The following NFATC1 variants were observed in gnomAD, a reference collection of about 807,000 sequenced individuals.
NFATC1 encodes nuclear factor of activated T cells 1, also known as nuclear factor of activated T-cells, cytoplasmic 1.
Under a neutral mutation model 76.0 loss-of-function variants are expected in NFATC1, and 22 were observed. The ratio of observed to expected loss-of-function variants is 0.29; its 90% confidence interval spans 0.21 to 0.41. NFATC1 has a LOEUF of 0.41. Ranked by LOEUF, NFATC1 falls within the 10% of genes least tolerant of loss-of-function variation. The probability of loss-of-function intolerance (pLI) is 1.00; values close to 1 mark genes in which losing one functional copy is unlikely to be tolerated. For synonymous variants in NFATC1, 704 were observed against 613.1 expected (o/e 1.15, Z -2.19); for missense variants, 1,357 against 1,337.7 (o/e 1.01, Z -0.23).
At chr18:79,444,645 A>G (rs565873111) in intron 3 of NFATC1, among the ~76,000 whole-genome samples, 1 of 150,898 alleles carries the variant, frequency 6.6e-6, no homozygotes, top group South Asian at 2.1e-4. Flanking sequence ...AGACCACACC[A>G]GCGCCGCACA....
intron 2 of NFATC1, among the ~76,000 whole-genome samples, chr18:79,433,270 G>T (rs1205282897): frequency 6.6e-6 from 1 of 152,214 alleles, no homozygotes; most frequent in Non-Finnish European, 1.5e-5. Flanking sequence ...TTTTAAAACA[G>T]ATTTTCAATG....
chr18:79,440,663 A>G (rs905249353), intron 3 of NFATC1, among the ~76,000 whole-genome samples: 2 of 152,168 alleles, frequency 1.3e-5, no homozygotes, highest in African/African-American at 4.8e-5. Context: ...CCCGGGAAGG[A>G]GCGGCCACTG....
chr18:79,457,294 C>T (rs1568985801), intron 6 of NFATC1, among the ~76,000 whole-genome samples: 1 of 152,208 alleles, frequency 6.6e-6, no homozygotes, highest in Non-Finnish European at 1.5e-5. Flanking sequence ...CTCAGTGGCC[C>T]AGATGGTCCA....
chr18:79,443,270 C>T (rs554597989), intron 3 of NFATC1, among the ~76,000 whole-genome samples: 12 of 152,298 alleles, frequency 7.9e-5, no homozygotes, highest in Admixed American at 2.0e-4. Context: ...GCTTGTGCAC[C>T]GCGCGTATGG....
Position 79,486,306 on chromosome 18 carries a change from G to T in NFATC1, c.2151G>T (p.Pro717=). The T allele has an allele frequency of 1.2e-6, 2 of 1,613,068 alleles. No homozygotes were observed. The highest frequency in any genetic ancestry group is 1.1e-5 in the South Asian group (1 of 91,074). The stretch of plus-strand genomic sequence containing the variant: ...ATGAGCCTGCTCCAACCTGTGGACC[G>T]GTGAGCCAGGGGTTAAGTCCTCTCC... ...DDYEPAPTCG[P]VSQGLSPLPR... The change falls in exon 9 of 10, where the codon CCG becomes CCT. Residue 717 remains proline (P), a synonymous_variant. Coordinates refer to ENST00000427363, the MANE Select transcript of NFATC1 (RefSeq NM_001278669.2).
At chr18:79,472,399 G>A (rs147547865) in intron 8 of NFATC1, among the ~76,000 whole-genome samples, 5 of 152,278 alleles carry the variant, frequency 3.3e-5, no homozygotes, top group Non-Finnish European at 7.4e-5. Context: ...GCCGCCGCCC[G>A]ACCTCCATGC....
chr18:79,493,096 G>A (rs1035436925), intron 9 of NFATC1, among the ~76,000 whole-genome samples: 1 of 152,060 alleles, frequency 6.6e-6, no homozygotes, highest in African/African-American at 2.4e-5. Context: ...TTTAAACAGT[G>A]GTTTTCTGTA....
chr18:79,467,981 A>G, intron 8 of NFATC1: 1 of 1,012,876 alleles, frequency 9.9e-7, no homozygotes, highest in Non-Finnish European at 1.2e-6. Flanking sequence ...CTTTAGGAAT[A>G]AACTTTGCTT....
chr18:79,506,234 G>A (rs769550070), intron 9 of NFATC1, among the ~76,000 whole-genome samples: 61 of 152,314 alleles, frequency 4.0e-4, no homozygotes, highest in Non-Finnish European at 7.5e-4. Context: ...CTCCTCAGCC[G>A]CAGTGTGGAG....
chr18:79,398,993 G>A (rs1055548891), intron 1 of NFATC1, among the ~76,000 whole-genome samples: 1 of 152,252 alleles, frequency 6.6e-6, no homozygotes, highest in Admixed American at 6.5e-5. Context: ...CTTGAACTCG[G>A]AAGGCGGAGG....
At chr18:79,408,213 G>A (rs2085508161) in intron 1 of NFATC1, among the ~76,000 whole-genome samples, 1 of 152,180 alleles carries the variant, frequency 6.6e-6, no homozygotes, top group South Asian at 2.1e-4. Flanking sequence ...GTTGGTTTCT[G>A]AACCACGACT....
At chr18:79,402,031 G>C (rs1340161781) in intron 1 of NFATC1, among the ~76,000 whole-genome samples, 1 of 152,226 alleles carries the variant, frequency 6.6e-6, no homozygotes, top group East Asian at 1.9e-4. Flanking sequence ...AGGCCTCCAG[G>C]GTGGGCTGTG....
intron 7 of NFATC1, 144 bp downstream of exon 7, chr18:79,461,510 G>C (rs2088095104): frequency 1.4e-6 from 1 of 708,726 alleles, no homozygotes; most frequent in African/African-American, 1.8e-5. Flanking sequence ...ATAGTGCATA[G>C]AGTAACAGAA....
chr18:79,504,750 C>T (rs909702562), intron 9 of NFATC1, among the ~76,000 whole-genome samples: 16 of 151,576 alleles, frequency 1.1e-4, no homozygotes, highest in African/African-American at 3.9e-4. Context: ...AAAGGCGCAG[C>T]TCTGGAGACA....
At chr18:79,408,777 G>A (rs1241996999) in intron 1 of NFATC1, among the ~76,000 whole-genome samples, 1 of 147,104 alleles carries the variant, frequency 6.8e-6, no homozygotes, top group Non-Finnish European at 1.5e-5. Flanking sequence ...ATGCATCCAT[G>A]CATCATCATC....
chr18:79,422,945 G>A (rs2086150598), intron 2 of NFATC1, among the ~76,000 whole-genome samples: 1 of 151,694 alleles, frequency 6.6e-6, no homozygotes, highest in Non-Finnish European at 1.5e-5. Context: ...GGGGGCGGGG[G>A]TTCAGGGTCT....
At chr18:79,449,152 G>T (rs956468183) in intron 4 of NFATC1, among the ~76,000 whole-genome samples, 168 bp downstream of exon 4, 5 of 152,212 alleles carry the variant, frequency 3.3e-5, no homozygotes, top group Non-Finnish European at 7.3e-5. Flanking sequence ...TTTGACAATG[G>T]ATTTGCTTCT....
chr18:79,425,085 A>ATCTCTGTCTCTCCATC (rs1555902875), intron 2 of NFATC1, among the ~76,000 whole-genome samples: 1 of 67,292 alleles, frequency 1.5e-5, no homozygotes, highest in African/African-American at 6.3e-5. Flanking sequence ...CTGTCTCTCC[A>ATCTCTGTCTCTCCATC]TCTCTGTCTC....
In NFATC1 at chr18:79,445,870, G is replaced by A. The variant is rs551907054; in HGVS notation, c.1387-2912G>A. 5.9e-5 allele frequency among the ~76,000 whole-genome samples: 9 copies of A among 152,266 alleles called. No individual in the cohort carries two copies. In the Middle Eastern group the frequency reaches 0.01, roughly 173 times the overall value. The stretch of plus-strand genomic sequence containing the variant: ...CCACACCTCCCTCCCCTGGGTGCAC[G>A]CAGCTGAGTTCCACGTTGAATAAAT... On this transcript the variant is annotated intron_variant, in intron 3 of 9. Coordinates refer to ENST00000427363, the MANE Select transcript of NFATC1 (RefSeq NM_001278669.2).
Sources: gnomAD v4.1 joint callset for allele counts (sites outside exome capture counted in the v4.1 genomes callset) on GRCh38, gnomAD v4.1.1 for gene constraint, MANE v1.5 for transcripts, NCBI Gene and HGNC (gene_info 2026-07-23, HGNC 2026-07-21) for gene names.